The following ANKRD26 variants were observed in gnomAD, a reference collection of about 807,000 sequenced individuals.
ANKRD26 encodes ankyrin repeat domain 26, also known as ankyrin repeat domain-containing protein 26.
In ANKRD26, 141 loss-of-function variants were observed where a neutral mutation model predicts 208.7. The observed-to-expected ratio is 0.68, with a 90% confidence interval of 0.59 to 0.78. ANKRD26 has a LOEUF of 0.78. Among genes scored for constraint, ANKRD26 ranks in the 30% least tolerant of loss-of-function variants. The pLI, the probability that ANKRD26 is intolerant of heterozygous loss-of-function variation, is 0.00. For synonymous variants in ANKRD26, 636 were observed against 660.4 expected (o/e 0.96, Z 0.57); for missense variants, 1,889 against 1,938.7 (o/e 0.97, Z 0.48).
intron 16 of ANKRD26, among the ~76,000 whole-genome samples, chr10:27,050,684 T>C (rs982025933): frequency 2.0e-5 from 3 of 152,194 alleles, no homozygotes; most frequent in African/African-American, 7.2e-5. Context: ...ATTGCCATGT[T>C]GTTGTTTAAA....
rs752629436 is a variant in ANKRD26 at position 27,093,773 on chromosome 10, T to C, written c.269A>G (p.Asn90Ser). The C allele has an allele frequency of 4.6e-5, 75 of 1,614,248 alleles. No homozygotes were observed. In the Middle Eastern group the frequency reaches 6.6e-4, roughly 14 times the overall value. Residue 90 changes from asparagine (N) to serine (S), a missense_variant, in exon 2 of 34, where the codon AAT (asparagine) becomes AGT (serine). Coordinates refer to ENST00000376087, the MANE Select transcript of ANKRD26 (RefSeq NM_014915.3). ...NRTALHLACA[N>S]GHPEVVTLLV... ...GAGAGTTACTACTTCTGGATGACCA[T>C]TGGCACAGGCCAAATGTAGAGCCGT... is the stretch of plus-strand genomic sequence containing the variant.
At chr10:27,021,942 G>A (rs2053504473) in intron 29 of ANKRD26, among the ~76,000 whole-genome samples, 1 of 152,100 alleles carries the variant, frequency 6.6e-6, no homozygotes, top group Non-Finnish European at 1.5e-5. Context: ...CCGGATATAA[G>A]ACCTTTGTTA....
chr10:27,081,948 G>C (rs767667503), intron 6 of ANKRD26, among the ~76,000 whole-genome samples: 2 of 151,632 alleles, frequency 1.3e-5, no homozygotes, highest in Non-Finnish European at 2.9e-5. Flanking sequence ...GTGTTAGCCA[G>C]GCTGGTCTCG....
At chr10:27,035,796 G>C (rs747776724) in intron 23 of ANKRD26, 44 bp from the exon 24 acceptor site, 39 of 1,306,932 alleles carry the variant, frequency 3.0e-5, no homozygotes, top group Non-Finnish European at 4.1e-5. Context: ...CCAAGAAAAT[G>C]ACAGATCATG....
At chr10:27,098,892 C>G (rs1275841066) in intron 1 of ANKRD26, among the ~76,000 whole-genome samples, 1 of 152,116 alleles carries the variant, frequency 6.6e-6, no homozygotes, top group Non-Finnish European at 1.5e-5. Flanking sequence ...AACACAAGAC[C>G]ACAGTCTGTA....
At chr10:26,962,315 C>T in the ANKRD26 span, among the ~76,000 whole-genome samples, 1 of 152,150 alleles carries the variant, frequency 6.6e-6, no homozygotes, top group Non-Finnish European at 1.5e-5. Flanking sequence ...CAGCCCACGC[C>T]TGTAATTCCA....
chr10:27,080,714 A>G, intron 6 of ANKRD26: 1 of 985,466 alleles, frequency 1.0e-6, no homozygotes, highest in Non-Finnish European at 1.2e-6. Flanking sequence ...TGAAGGCACA[A>G]ATTCCTGAAA....
chr10:26,998,408 G>A (rs1002859489), intron 4 of ANKRD26, among the ~76,000 whole-genome samples: 1 of 152,158 alleles, frequency 6.6e-6, no homozygotes, highest in African/African-American at 2.4e-5. Context: ...CTGGACTTTT[G>A]GGGGCTGATT....
chr10:27,025,469 A>G (rs1330437949), intron 27 of ANKRD26, among the ~76,000 whole-genome samples: 1 of 152,062 alleles, frequency 6.6e-6, no homozygotes, highest in East Asian at 1.9e-4. Flanking sequence ...TGTGCTCATC[A>G]GGCTCTAATA....
chr10:27,061,984 C>G, intron 12 of ANKRD26: 2 of 985,194 alleles, frequency 2.0e-6, no homozygotes, highest in Non-Finnish European at 2.4e-6. Context: ...ATGATCTAAT[C>G]GTCTGTTTGA....
At chr10:26,998,438 T>C (rs1426211112) in intron 4 of ANKRD26, among the ~76,000 whole-genome samples, 1 of 152,168 alleles carries the variant, frequency 6.6e-6, no homozygotes, top group Non-Finnish European at 1.5e-5. Flanking sequence ...CTATTGGGCC[T>C]TTGAGGATTA....
chr10:27,076,722 T>C (rs1226161615), intron 9 of ANKRD26, among the ~76,000 whole-genome samples: 1 of 151,888 alleles, frequency 6.6e-6, no homozygotes, highest in Non-Finnish European at 1.5e-5. Flanking sequence ...TAAAAACCTC[T>C]ATGCACACAA....
At chr10:27,029,262 T>C (rs766488085) in intron 26 of ANKRD26, 24 bp downstream of exon 26, 1 of 1,596,180 alleles carries the variant, frequency 6.3e-7, no homozygotes, top group Admixed American at 1.7e-5. Context: ...ATCATGTTTT[T>C]CTGTGTGCTG....
At chr10:27,008,961 T>C (rs917582579) in intron 32 of ANKRD26, among the ~76,000 whole-genome samples, 4 of 152,122 alleles carry the variant, frequency 2.6e-5, no homozygotes, top group African/African-American at 9.7e-5. Flanking sequence ...TGCCTCAGCC[T>C]CCTGAGTAGC....
chr10:26,988,261 C>T (rs146819645), downstream of ANKRD26, among the ~76,000 whole-genome samples: 122 of 152,294 alleles, frequency 8.0e-4, no homozygotes, highest in African/African-American at 2.8e-3. Flanking sequence ...TTCTCTCACT[C>T]TACTAGGGTT....
chr10:27,084,150 T>C (rs1296875508), intron 5 of ANKRD26, among the ~76,000 whole-genome samples: 1 of 149,386 alleles, frequency 6.7e-6, no homozygotes, highest in African/African-American at 2.5e-5. Flanking sequence ...AAGGCGGAGG[T>C]TGCAGTGAGC....
At chr10:27,043,240 T>C (rs1439114919) in intron 20 of ANKRD26, among the ~76,000 whole-genome samples, 186 bp downstream of exon 20, 2 of 144,948 alleles carry the variant, frequency 1.4e-5, no homozygotes, top group Non-Finnish European at 3.0e-5. Flanking sequence ...CTGCAAAAAA[T>C]ATAGCTAATA....
intron 1 of ANKRD26, among the ~76,000 whole-genome samples, chr10:27,098,334 G>C (rs776415272): frequency 6.6e-6 from 1 of 151,224 alleles, no homozygotes; most frequent in Non-Finnish European, 1.5e-5. Context: ...CTTCTGAAAA[G>C]GATAAAAGTT....
rs1470553114 is a variant in ANKRD26 at position 27,035,182 on chromosome 10, T to C, written c.3268A>G (p.Lys1090Glu). 1.9e-6 allele frequency: 3 copies of C among 1,614,054 alleles called. No individual in the cohort carries two copies. In the Admixed American group the frequency reaches 5.0e-5, roughly 27 times the overall value. ...TGTACCCGTTCTAAACCCAAAGTCT[T>C]TTCTCTGAGGGCATCTCTCGTGTGA... is the stretch of plus-strand genomic sequence containing the variant. The part of the protein sequence containing the change: ...FHHTRDALRE[K>E]TLGLERVQKD... Residue 1090 changes from lysine to glutamate, a missense_variant, in exon 24 of 34, where the codon AAG (lysine) becomes GAG (glutamate). Lys to Glu is a moderately conservative substitution (Grantham distance 56). This residue lies in a region of ANKRD26 where 1,272 missense variants were observed against 1,273.8 expected (regional missense o/e 1.00). Coordinates refer to ENST00000376087, the MANE Select transcript of ANKRD26 (RefSeq NM_014915.3).
Sources: allele counts gnomAD v4.1 joint callset (sites outside exome capture counted in the v4.1 genomes callset), GRCh38; gene constraint gnomAD v4.1.1; regional missense constraint gnomAD v4.1.1; transcripts MANE v1.5; gene names NCBI Gene and HGNC (gene_info 2026-07-23, HGNC 2026-07-21).